PIP4K2C: variants seen among roughly 807,000 people sequenced by gnomAD.
PIP4K2C encodes the protein phosphatidylinositol 5-phosphate 4-kinase type-2 gamma.
A neutral mutation model predicts 45.0 loss-of-function variants in PIP4K2C; 21 were observed. The ratio of observed to expected loss-of-function variants is 0.47; its 90% CI spans 0.33 to 0.67. PIP4K2C has a LOEUF of 0.67. Among genes scored for constraint, PIP4K2C ranks in the 30% least tolerant of loss-of-function variants. PIP4K2C has a pLI of 0.02. For missense variants in PIP4K2C, 456 were observed against 542.8 expected, an observed-to-expected ratio of 0.84 and a Z score of 1.59; for synonymous variants, 201 against 204.8, an observed-to-expected ratio of 0.98 and a Z score of 0.16.
intron 1 of PIP4K2C, 109 bp downstream of exon 1, chr12:57,591,572 C>A (rs1045452904): frequency 1.3e-5 from 17 of 1,313,294 alleles, no homozygotes; most frequent in Non-Finnish European, 1.6e-5. Context: ...CACTCCCCTC[C>A]CCCGGGTTGT....
At chr12:57,598,777 A>G (rs1401780908) in intron 4 of PIP4K2C, among the ~76,000 whole-genome samples, 3 of 152,168 alleles carry the variant, frequency 2.0e-5, no homozygotes, top group African/African-American at 7.2e-5. Context: ...TAAAATAAGG[A>G]TAATAACACT....
At position 57,595,702 on chromosome 12, in the gene PIP4K2C, CAA is replaced by C. The variant is rs67101543; in HGVS notation, c.370-169_370-168del. On this transcript the variant is annotated intron_variant, in intron 3 of 9. Transcript: ENST00000354947. Reference sequence around the variant, plus strand: ...TGGGTGACAGAGCGAGACTCCTTGTCAAAAAAAAAAAAAAAAAAGAATTTTGC... The same window carrying C: ...TGGGTGACAGAGCGAGACTCCTTGTCAAAAAAAAAAAAAAAAGAATTTTGC... 9.6e-3 allele frequency among the ~76,000 whole-genome samples: 973 copies of C among 101,506 alleles called. 4 individuals carry two copies. Among genetic ancestry groups the C allele is most frequent in the East Asian group, 0.051 (185 of 3,638 alleles). The allele number at this position is 101,506 out of a possible 152,430, so 66.6% of individuals were successfully genotyped here.
chr12:57,596,096 T>G, intron 4 of PIP4K2C, 65 bp downstream of exon 4: 1 of 1,534,194 alleles, frequency 6.5e-7, no homozygotes, highest in East Asian at 2.3e-5. Flanking sequence ...TCAGCTATTG[T>G]CAGTAATAGA....
At position 57,596,023 on chromosome 12, in the gene PIP4K2C, T is replaced by A. The variant is rs1168505511; in HGVS notation, c.505T>A (p.Tyr169Asn). The A allele has an allele frequency of 6.2e-7, 1 of 1,613,526 alleles. No individual in the cohort carries two copies. Among genetic ancestry groups the A allele is most frequent in the African/African-American group, 1.3e-5 (1 of 74,906 alleles). The change falls in exon 4 of 10, where the codon TAT (tyrosine) becomes AAT (asparagine). Residue 169 changes from tyrosine (Y) to asparagine (N), a missense_variant. This residue lies in a region of PIP4K2C where 421 missense variants were observed against 473.1 expected (regional missense o/e 0.89). Transcript: ENST00000354947. ...TGACATGCATAGCAACCTCTCCAACTATCACCAGGTCAGGCCTCTCTCTAG... is the reference window on the plus strand; with the variant it reads ...TGACATGCATAGCAACCTCTCCAACAATCACCAGGTCAGGCCTCTCTCTAG... ...IADMHSNLSN[Y>N]HQYIVKCHGN...
At position 57,601,903 on chromosome 12, in the gene PIP4K2C, C is replaced by T. The variant is rs1476123253; in HGVS notation, c.*297C>T. On this transcript the variant is annotated 3_prime_UTR_variant, in exon 10 of 10. Coordinates refer to ENST00000354947, the MANE Select transcript of PIP4K2C (RefSeq NM_024779.5). Reference sequence around the variant, plus strand: ...CCAAGTGCCTTGATCTTTGTAATATCTCCTGTTGTTTCTATGATATAGGAG... The same window carrying T: ...CCAAGTGCCTTGATCTTTGTAATATTTCCTGTTGTTTCTATGATATAGGAG... 2.2e-5 allele frequency: 9 copies of T among 410,398 alleles called. No homozygotes were observed. The highest frequency in any genetic ancestry group is 4.1e-5 in the Non-Finnish European group (9 of 222,150). The allele number at this position is 410,398 out of a possible 1,614,324, so 25.4% of individuals were successfully genotyped here.
At chr12:57,591,689 C>T (rs575970525) in intron 1 of PIP4K2C, among the ~76,000 whole-genome samples, 1 of 152,328 alleles carries the variant, frequency 6.6e-6, no homozygotes, top group East Asian at 1.9e-4. Flanking sequence ...TCCACCTTCC[C>T]CCCGTGAAAT....
chr12:57,595,657 C>T (rs146939401), intron 3 of PIP4K2C, among the ~76,000 whole-genome samples: 1,782 of 146,274 alleles, frequency 0.012, 30 homozygotes, highest in African/African-American at 0.043. Context: ...GAGCTGAGAT[C>T]GTACCACTAC....
chr12:57,598,995 G>A (rs1165331081), intron 4 of PIP4K2C, 70 bp from the exon 5 acceptor site: 2 of 1,526,418 alleles, frequency 1.3e-6, no homozygotes, highest in African/African-American at 1.4e-5. Flanking sequence ...GGCAGTGTTT[G>A]AACTTCCCTG....
rs1212777648 is a variant in PIP4K2C at position 57,600,955 on chromosome 12, G to A, written c.958G>A (p.Ala320Thr). The part of the protein sequence containing the change: ...DGDCSLTGPP[A>T]LVGSYGTSPE... ...GGACTGCAGCCTGACTGGACCTCCTGCTCTGGTGGGCTCCTATGGCACCTC... is the reference window on the plus strand; with the variant it reads ...GGACTGCAGCCTGACTGGACCTCCTACTCTGGTGGGCTCCTATGGCACCTC... The change falls in exon 8 of 10, where the codon GCT becomes ACT. Residue 320 changes from alanine (A) to threonine (T), a missense_variant. Around this residue, in one of 2 missense-constraint regions of PIP4K2C, gnomAD observed 421 missense variants for 473.1 expected, o/e 0.89. Coordinates refer to ENST00000354947, the MANE Select transcript of PIP4K2C (RefSeq NM_024779.5). The A allele has an allele frequency of 6.2e-7, 1 of 1,614,108 alleles. No homozygotes were observed. The highest frequency in any genetic ancestry group is 8.5e-7 in the Non-Finnish European group (1 of 1,180,048).
rs776032153 is a variant in PIP4K2C at position 57,600,798 on chromosome 12, C to T, written c.814-13C>T. The stretch of plus-strand genomic sequence containing the variant: ...AGTGAGAGAGAGGTGTCTGATTTGT[C>T]AGTGGGTCTCAGTTTCTAGTGCAGC... On this transcript the variant is annotated splice_polypyrimidine_tract_variant and intron_variant, in intron 7 of 9. Transcript: ENST00000354947. 1.2e-6 allele frequency: 2 copies of T among 1,613,650 alleles called. No individual in the cohort carries two copies. The highest frequency in any genetic ancestry group is 2.2e-5 in the South Asian group (2 of 91,028).
rs768793991 is a variant in PIP4K2C, at chr12:57,600,283, G to T, written c.700-41G>T. On this transcript the variant is annotated intron_variant, in intron 6 of 9. Transcript: ENST00000354947. ...GAAGGTGGGGTTCTGAGACCTTGGG[G>T]AAGGGATATGTTCCCAAGATGTCCC... 22 of 1,317,402 alleles carry T rather than the reference G, an allele frequency of 1.7e-5. No individual in the cohort carries two copies. The South Asian group carries it at 2.7e-4, about 16-fold the overall frequency. The allele number at this position is 1,317,402 out of a possible 1,614,324, so 81.6% of individuals were successfully genotyped here.
In PIP4K2C at chr12:57,600,434, G is replaced by A. The variant is rs148348869; in HGVS notation, c.810G>A (p.Val270=). The change falls in exon 7 of 10, where the codon GTG becomes GTA. Residue 270 remains valine (V), a synonymous_variant. Transcript: ENST00000354947. ...TTCTGGAGAAGCTGAAGAGAGATGT[G>A]GAGGTGATGATTGGGTGCTCTGGGA... The part of the protein sequence containing the change: ...KIFLEKLKRD[V]EFLVQLKIMD... 9 of 1,589,522 alleles carry A rather than the reference G, an allele frequency of 5.7e-6. No homozygotes were observed. In the African/African-American group the frequency reaches 1.1e-4, roughly 19 times the overall value.
At chr12:57,597,460 A>G (rs1050450298) in intron 4 of PIP4K2C, among the ~76,000 whole-genome samples, 2 of 152,182 alleles carry the variant, frequency 1.3e-5, no homozygotes, top group Non-Finnish European at 2.9e-5. Context: ...GGACATACTG[A>G]ATTTGAGGTT....
rs377538455 is a variant in PIP4K2C at position 57,599,230 on chromosome 12, G to A, written c.660+19G>A. The A allele has an allele frequency of 1.6e-5, 25 of 1,612,772 alleles. No individual in the cohort carries two copies. Among genetic ancestry groups the A allele is most frequent in the African/African-American group, 9.4e-5 (7 of 74,866 alleles). On this transcript the variant is annotated intron_variant, in intron 5 of 9. Transcript: ENST00000354947. ...CCTCAAGGTAAGAAGAGGGTAGCTCGGACTTAGAGGGAGGCTCCTGATAGC... is the reference window on the plus strand; with the variant it reads ...CCTCAAGGTAAGAAGAGGGTAGCTCAGACTTAGAGGGAGGCTCCTGATAGC...
At chr12:57,601,199 G>C (rs756614132) in intron 8 of PIP4K2C, 46 bp from the exon 9 acceptor site, 1 of 1,593,640 alleles carries the variant, frequency 6.3e-7, no homozygotes, top group Non-Finnish European at 8.6e-7. Flanking sequence ...CCTGGAGAAA[G>C]GGAATTGGAA....
chr12:57,601,620 T>C lies in PIP4K2C; in HGVS notation c.*14T>C. On this transcript the variant is annotated 3_prime_UTR_variant, in exon 10 of 10. Transcript: ENST00000354947. The stretch of plus-strand genomic sequence containing the variant: ...ATCTTTGCCTAAGAGACTGCCTGGT[T>C]CTCTCTGATGTTCAAGGTGGTGGGG... The C allele has an allele frequency of 3.1e-6, 5 of 1,589,128 alleles. No individual in the cohort carries two copies. Among genetic ancestry groups the C allele is most frequent in the Non-Finnish European group, 4.3e-6 (5 of 1,157,248 alleles).
rs1226994998 is a variant in PIP4K2C at position 57,595,959 on chromosome 12, G to A, written c.441G>A (p.Arg147=). The change falls in exon 4 of 10, where the codon CGG becomes CGA. Residue 147 remains arginine (R), a synonymous_variant. Transcript: ENST00000354947. ...GTCGCTTCCTTATCTCCTACGATCG[G>A]ACTCTGGTCATCAAAGAAGTATCCA... is the stretch of plus-strand genomic sequence containing the variant. ...SDGRFLISYD[R]TLVIKEVSSE... 9 of 1,613,776 alleles carry A rather than the reference G, an allele frequency of 5.6e-6. No homozygotes were observed. The highest frequency in any genetic ancestry group is 6.8e-6 in the Non-Finnish European group (8 of 1,179,886).
Position 57,602,692 on chromosome 12 carries a change from T to G in PIP4K2C, c.*1086T>G, listed in dbSNP as rs746996742. The G allele has an allele frequency of 3.9e-5, 6 of 152,638 alleles. No individual in the cohort carries two copies. Among genetic ancestry groups the G allele is most frequent in the Non-Finnish European group, 5.9e-5 (4 of 68,120 alleles). The allele number at this position is 152,638 out of a possible 1,614,324, so 9.5% of individuals were successfully genotyped here. Reference sequence around the variant, plus strand: ...ACCCCTTTTTCCAGTTGGATTTGTTTTTCTGTTCTCTTCTGTCCTGTCTTA... The same window carrying G: ...ACCCCTTTTTCCAGTTGGATTTGTTGTTCTGTTCTCTTCTGTCCTGTCTTA... On this transcript the variant is annotated 3_prime_UTR_variant, in exon 10 of 10. Transcript: ENST00000354947.
chr12:57,592,299 A>G (rs1882998439), intron 1 of PIP4K2C, among the ~76,000 whole-genome samples: 1 of 152,096 alleles, frequency 6.6e-6, no homozygotes, highest in South Asian at 2.1e-4. Flanking sequence ...AAGCACAGCC[A>G]TTGCCCATCT....
Sources: gnomAD v4.1 joint callset for allele counts (sites outside exome capture counted in the v4.1 genomes callset) on GRCh38, gnomAD v4.1.1 for gene constraint, gnomAD v4.1.1 regional missense constraint, MANE v1.5 for transcripts, NCBI Gene and HGNC (gene_info 2026-07-23, HGNC 2026-07-21) for gene names.